The following CNN2 variants were observed in gnomAD, a reference collection of about 807,000 sequenced individuals.
CNN2 encodes the protein calponin-2.
In CNN2, 21 loss-of-function variants were observed where a neutral mutation model predicts 31.0. That is an observed-to-expected ratio of 0.68 (90% confidence interval 0.48 to 0.98). The LOEUF is 0.98. CNN2 is among the 50% of genes least tolerant of loss of function. The pLI is 0.00. For missense variants in CNN2, 399 were observed against 427.3 expected (o/e 0.93, Z 0.58); for synonymous variants, 165 against 179.6 (o/e 0.92, Z 0.65).
intron 1 of CNN2, among the ~76,000 whole-genome samples, chr19:1,030,279 G>A (rs1430147677): frequency 6.6e-6 from 1 of 152,172 alleles, no homozygotes; most frequent in East Asian, 1.9e-4. Flanking sequence ...AAGGAGCCAG[G>A]TGCGTGACTA....
At chr19:1,035,271 T>G (rs1730954587) in intron 4 of CNN2, among the ~76,000 whole-genome samples, 1 of 151,880 alleles carries the variant, frequency 6.6e-6, no homozygotes, top group African/African-American at 2.4e-5. Context: ...GAGTGTGTGT[T>G]TGTGACATGG....
intron 2 of CNN2, 114 bp downstream of exon 2, chr19:1,031,306 G>A: frequency 1.3e-5 from 5 of 380,142 alleles, no homozygotes; most frequent in Non-Finnish European, 1.8e-5. Context: ...GCTCATGCCT[G>A]TAATCCCAGC....
In CNN2 at chr19:1,032,414, G is replaced by A; in HGVS notation, c.208G>A (p.Gly70Ser). The A allele has an allele frequency of 6.2e-7, 1 of 1,613,648 alleles. No individual in the cohort carries two copies. Among genetic ancestry groups the A allele is most frequent in the East Asian group, 2.2e-5 (1 of 44,880 alleles). ...LCTLMNKLQP[G>S]SVPKINRSMQ... ...CAGACTCATGAACAAGCTACAGCCG[G>A]GCTCCGTCCCCAAGATCAACCGCTC... The change falls in exon 3 of 7, where the codon GGC becomes AGC. Residue 70 changes from glycine (G) to serine (S), a missense_variant. By Grantham distance (56) the Gly-to-Ser change is moderately conservative. Coordinates refer to ENST00000263097, the MANE Select transcript of CNN2 (RefSeq NM_004368.4).
At chr19:1,027,384 C>G (rs866194533) in intron 1 of CNN2, among the ~76,000 whole-genome samples, 1 of 152,230 alleles carries the variant, frequency 6.6e-6, no homozygotes, top group Non-Finnish European at 1.5e-5. Context: ...GAAAGAAGAG[C>G]TGGGGCCCGG....
chr19:1,036,888 C>G (rs1054961064), intron 6 of CNN2: 1 of 391,528 alleles, frequency 2.6e-6, no homozygotes, highest in Non-Finnish European at 4.8e-6. Context: ...GGATCTCACT[C>G]TGTTGTCCAG....
Position 1,027,645 on chromosome 19 carries a change from G to T in CNN2, c.63+921G>T, listed in dbSNP as rs188731717. Among the ~76,000 whole-genome samples the T allele has an allele frequency of 1.5e-4, 23 of 152,300 alleles. No homozygotes were observed. The East Asian group carries it at 4.2e-3, about 28-fold the overall frequency. On this transcript the variant is annotated intron_variant, in intron 1 of 6. Coordinates refer to ENST00000263097, the MANE Select transcript of CNN2 (RefSeq NM_004368.4). The stretch of plus-strand genomic sequence containing the variant: ...ACAGGATTCCCAGGGAAAGTGGGGG[G>T]CGGGGGTTGTGATGCGAGACCCACG...
rs1209416860 is a variant in CNN2, at chr19:1,026,639, G to A, written c.-23G>A. On this transcript the variant is annotated 5_prime_UTR_variant, in exon 1 of 7. Transcript: ENST00000263097. ...GTCCCGTCCCGTCCTGTGCGGCCCC[G>A]TCCCGCCGCCCGCCCGCCAGCCATG... 1.3e-6 allele frequency: 2 copies of A among 1,525,402 alleles called. No homozygotes were observed. Among genetic ancestry groups the A allele is most frequent in the Non-Finnish European group, 1.8e-6 (2 of 1,136,742 alleles). The allele number at this position is 1,525,402 out of a possible 1,614,324, so 94.5% of individuals were successfully genotyped here.
At chr19:1,027,778 A>C (rs932948271) in intron 1 of CNN2, among the ~76,000 whole-genome samples, 1 of 151,482 alleles carries the variant, frequency 6.6e-6, no homozygotes, top group African/African-American at 2.4e-5. Context: ...GTGTCCTTAC[A>C]GCTGACTTCT....
Position 1,036,156 on chromosome 19 carries a change from G to C in CNN2, c.417G>C (p.Gly139=). ...GKAKTKGLQS[G]VDIGVKYSEK... ...CCAAGACTAAGGGGCTGCAGAGCGG[G>C]GTGGACATTGGCGTCAAGTACTCGG... Residue 139 remains glycine (G), a synonymous_variant, in exon 5 of 7, where the codon GGG becomes GGC. Coordinates refer to ENST00000263097, the MANE Select transcript of CNN2 (RefSeq NM_004368.4). 6.2e-7 allele frequency: 1 copy of C among 1,612,526 alleles called. No homozygotes were observed. Among genetic ancestry groups the C allele is most frequent in the Non-Finnish European group, 8.5e-7 (1 of 1,179,256 alleles).
chr19:1,035,783 G>A (rs935969929), intron 4 of CNN2, among the ~76,000 whole-genome samples: 43 of 152,164 alleles, frequency 2.8e-4, no homozygotes, highest in African/African-American at 8.4e-4. Flanking sequence ...TTAGCCTGGC[G>A]TGGTGGCACA....
Position 1,037,577 on chromosome 19 carries a change from C to T in CNN2, c.655-48C>T, listed in dbSNP as rs1292047556. The T allele has an allele frequency of 2.5e-6, 4 of 1,579,456 alleles. No homozygotes were observed. In the East Asian group the frequency reaches 6.7e-5, roughly 27 times the overall value. ...GTGAGCCAGTGCACCCAGTGAAGGT[C>T]CCCTCTTCTCTCCACCATGACCTGC... On this transcript the variant is annotated intron_variant, in intron 6 of 6. Transcript: ENST00000263097.
intron 4 of CNN2, 167 bp from the exon 5 acceptor site, chr19:1,035,963 T>G: frequency 1.0e-6 from 1 of 983,776 alleles, no homozygotes; most frequent in Non-Finnish European, 1.4e-6. Flanking sequence ...ATGATGGGTG[T>G]GTGGAGTGTG....
At chr19:1,036,879 G>A (rs1182885465) in intron 6 of CNN2, 5 of 402,284 alleles carry the variant, frequency 1.2e-5, no homozygotes, top group Non-Finnish European at 2.3e-5. Context: ...TTTGAGATAG[G>A]ATCTCACTCT....
rs766428483 is a variant in CNN2, at chr19:1,037,894, C to T, written c.924C>T (p.Gly308=). Residue 308 remains glycine, a synonymous_variant, in exon 7 of 7, where the codon GGC becomes GGT. Coordinates refer to ENST00000263097, the MANE Select transcript of CNN2 (RefSeq NM_004368.4). The part of the protein sequence containing the change: ...EYPPYYQEEA[G]Y ...CCCCTTACTACCAGGAGGAGGCCGGCTACTGAGGCTCCCAGCACGCTCTCT... is the reference window on the plus strand; with the variant it reads ...CCCCTTACTACCAGGAGGAGGCCGGTTACTGAGGCTCCCAGCACGCTCTCT... 8.9e-6 allele frequency: 14 copies of T among 1,575,322 alleles called. No individual in the cohort carries two copies. The highest frequency in any genetic ancestry group is 8.9e-5 in the Admixed American group (5 of 56,284).
At chr19:1,036,691 C>A in intron 6 of CNN2, 129 bp downstream of exon 6, 1 of 1,133,108 alleles carries the variant, frequency 8.8e-7, no homozygotes, top group Non-Finnish European at 1.3e-6. Context: ...TAGACCACCT[C>A]CGGCTTCCCT....
At chr19:1,032,499 C>A (rs959984342) in intron 3 of CNN2, 41 bp downstream of exon 3, 2 of 1,613,494 alleles carry the variant, frequency 1.2e-6, no homozygotes, top group Non-Finnish European at 1.7e-6. Context: ...GTGCTGGGGG[C>A]CCATCTAACA....
chr19:1,038,041 A>T lies in CNN2; in HGVS notation c.*141A>T. The T allele has an allele frequency of 1.2e-6, 1 of 860,646 alleles. No homozygotes were observed. Among genetic ancestry groups the T allele is most frequent in the Non-Finnish European group, 1.7e-6 (1 of 574,654 alleles). The allele number at this position is 860,646 out of a possible 1,614,324, so 53.3% of individuals were successfully genotyped here. A position where few individuals can be genotyped will look rare whatever the true frequency, so the allele number is the denominator to read the frequency against. On this transcript the variant is annotated 3_prime_UTR_variant, in exon 7 of 7. Transcript: ENST00000263097. ...GGTCTGTGAGTGTCAGCGTGGGATC[A>T]GGCAGCAGAGCTTTTTTCCCCTTTG...
In CNN2 at chr19:1,038,263, G is replaced by A. The variant is rs997190899; in HGVS notation, c.*363G>A. The A allele has an allele frequency of 1.7e-5, 4 of 232,582 alleles. No individual in the cohort carries two copies. Among genetic ancestry groups the A allele is most frequent in the African/African-American group, 9.0e-5 (4 of 44,284 alleles). 14.4% of individuals were successfully genotyped at this position (232,582 alleles called of 1,614,324 possible). On this transcript the variant is annotated 3_prime_UTR_variant, in exon 7 of 7. Coordinates refer to ENST00000263097, the MANE Select transcript of CNN2 (RefSeq NM_004368.4). ...CCCCCTTTTGTCAGCTGAGCAGTTT[G>A]TGGTTTCTATGCCCGCAAGTTTCAG...
At chr19:1,037,454 G>A in intron 6 of CNN2, 171 bp from the exon 7 acceptor site, 1 of 780,382 alleles carries the variant, frequency 1.3e-6, no homozygotes, top group Admixed American at 2.5e-5. Context: ...GTATTTTTGG[G>A]AGAGACAGGG....
Sources: allele counts gnomAD v4.1 joint callset (sites outside exome capture counted in the v4.1 genomes callset), GRCh38; gene constraint gnomAD v4.1.1; transcripts MANE v1.5; gene names NCBI Gene and HGNC (gene_info 2026-07-23, HGNC 2026-07-21).